The following SMG6 variants were observed in gnomAD, a reference collection of about 807,000 sequenced individuals.
SMG6 encodes telomerase-binding protein EST1A.
In SMG6, 66 loss-of-function variants were observed where a neutral mutation model predicts 142.2. The ratio of observed to expected loss-of-function variants is 0.46; its 90% CI spans 0.38 to 0.57. The LOEUF is 0.57. SMG6 is among the 20% of genes least tolerant of loss of function. SMG6 has a pLI of 0.00. For missense variants in SMG6, 1,793 were observed against 1,832.0 expected (o/e 0.98, Z 0.39); for synonymous variants, 779 against 702.4 (o/e 1.11, Z -1.72).
chr17:2,173,534 G>A (rs2071568562), intron 12 of SMG6, among the ~76,000 whole-genome samples: 1 of 152,098 alleles, frequency 6.6e-6, no homozygotes, highest in Non-Finnish European at 1.5e-5. Flanking sequence ...CTCATTTGTG[G>A]AAGGTGAGAT....
chr17:2,283,726 G>C lies in SMG6; in HGVS notation c.2347C>G (p.Leu783Val), dbSNP rs746275928. The C allele has an allele frequency of 8.7e-5, 141 of 1,613,648 alleles. No individual in the cohort carries two copies. Among genetic ancestry groups the C allele is most frequent in the Non-Finnish European group, 1.2e-4 (137 of 1,179,774 alleles). Residue 783 changes from leucine to valine, a missense_variant, in exon 7 of 19, where the codon CTT becomes GTT. Physicochemically the swap from Leu to Val is conservative, Grantham distance 32. This residue lies in a region of SMG6 where 1,597 missense variants were observed against 1,584.6 expected (regional missense o/e 1.01). Coordinates refer to ENST00000263073, the MANE Select transcript of SMG6 (RefSeq NM_017575.5). ...ALLAVYTRRK[L>V]DAVYYYMRSL... ...CGCATATAGTAATAGACAGCGTCAA[G>C]CTTCCTCCTCTGTGGAAAGAGGCCA... is the stretch of plus-strand genomic sequence containing the variant.
In SMG6 at chr17:2,071,362, C is replaced by A. The variant is rs1597333148; in HGVS notation, c.3682-2431G>T. On this transcript the variant is annotated intron_variant, in intron 15 of 18. Coordinates refer to ENST00000263073, the MANE Select transcript of SMG6 (RefSeq NM_017575.5). The surrounding 1 kb of genome is among the most constrained non-coding windows in gnomAD (Gnocchi z 5.6). ...GCAGGAGAGCCTTGAAGCCAGGTGG[C>A]TGAGGGATGCTGGGGACAAACTGAG... 6.6e-6 allele frequency among the ~76,000 whole-genome samples: 1 copy of A among 152,192 alleles called. No homozygotes were observed. The highest frequency in any genetic ancestry group is 2.4e-5 in the African/African-American group (1 of 41,422).
intron 10 of SMG6, among the ~76,000 whole-genome samples, chr17:2,212,128 A>G (rs983933577): frequency 6.6e-6 from 1 of 152,244 alleles, no homozygotes; most frequent in Non-Finnish European, 1.5e-5. Flanking sequence ...GGTTTACTGC[A>G]CTGGAAAAGG....
chr17:2,166,231 C>A (rs968941001), intron 13 of SMG6, among the ~76,000 whole-genome samples: 6 of 151,760 alleles, frequency 4.0e-5, no homozygotes, highest in African/African-American at 1.5e-4. Flanking sequence ...ACAACAACAA[C>A]AAAAAACTAC....
chr17:2,088,529 T>C, intron 13 of SMG6: 1 of 985,478 alleles, frequency 1.0e-6, no homozygotes, highest in South Asian at 4.7e-5. Flanking sequence ...AACTGCTGGC[T>C]GATATGCAAA....
intron 8 of SMG6, among the ~76,000 whole-genome samples, chr17:2,249,567 T>C (rs2074002315): frequency 6.6e-6 from 1 of 151,706 alleles, no homozygotes; most frequent in African/African-American, 2.4e-5. Context: ...CAAGCAATCC[T>C]CCAGTTTTGG....
At position 2,135,454 on chromosome 17, in the gene SMG6, G is replaced by A. The variant is rs112105153; in HGVS notation, c.3357+37204C>T. Among the ~76,000 whole-genome samples, 446 of 152,058 alleles carry A rather than the reference G, an allele frequency of 2.9e-3. 2 individuals are homozygous for A. The highest frequency in any genetic ancestry group is 9.6e-3 in the African/African-American group (400 of 41,486). Reference sequence around the variant, plus strand: ...AAAAACTCTGTATCCTTTGCCCAACGTCTCCTCTTTCCCCGTCCACCCCCA... The same window carrying A: ...AAAAACTCTGTATCCTTTGCCCAACATCTCCTCTTTCCCCGTCCACCCCCA... On this transcript the variant is annotated intron_variant, in intron 13 of 18. Coordinates refer to ENST00000263073, the MANE Select transcript of SMG6 (RefSeq NM_017575.5).
In SMG6 at chr17:2,300,620, T is replaced by G. The variant is rs373672464; in HGVS notation, c.133A>C (p.Arg45=). 87 of 1,607,924 alleles carry G rather than the reference T, an allele frequency of 5.4e-5. No individual in the cohort carries two copies. The highest frequency in any genetic ancestry group is 7.0e-5 in the Non-Finnish European group (83 of 1,178,102). The change falls in exon 2 of 19, where the codon AGG becomes CGG. Residue 45 remains arginine, a synonymous_variant. Transcript: ENST00000263073. Reference sequence around the variant, plus strand: ...TTATAGATTTCCAGATCTGGACGCCTGTTATCTTTGCGCGGCCTGGCCTCC... The same window carrying G: ...TTATAGATTTCCAGATCTGGACGCCGGTTATCTTTGCGCGGCCTGGCCTCC... The part of the protein sequence containing the change: ...LKEARPRKDN[R]RPDLEIYKPG...
intron 13 of SMG6, among the ~76,000 whole-genome samples, chr17:2,119,251 G>A (rs1172628576): frequency 1.3e-5 from 2 of 151,994 alleles, no homozygotes; most frequent in South Asian, 4.2e-4. Flanking sequence ...TAGAGATGGG[G>A]TTTCACTGTG....
At chr17:2,094,881 T>C (rs1318254843) in intron 13 of SMG6, 3 of 152,256 alleles carry the variant, frequency 2.0e-5, no homozygotes, top group Admixed American at 6.5e-5. Flanking sequence ...TGTTCCTTCA[T>C]GGACAGAAAC....
chr17:2,179,856 T>G (rs546930485), intron 12 of SMG6, among the ~76,000 whole-genome samples: 4 of 152,288 alleles, frequency 2.6e-5, no homozygotes, highest in East Asian at 3.9e-4. Flanking sequence ...GAGAAAGCTC[T>G]GGGGATTAAA....
In SMG6 at chr17:2,290,491, T is replaced by A. The variant is rs73976507; in HGVS notation, c.2337+2061A>T. Among the ~76,000 whole-genome samples the A allele has an allele frequency of 3.6e-3, 541 of 152,262 alleles. 5 individuals are homozygous for A. Among genetic ancestry groups the A allele is most frequent in the African/African-American group, 0.012 (514 of 41,550 alleles). On this transcript the variant is annotated intron_variant, in intron 6 of 18. Transcript: ENST00000263073. ...GTATTACAGACTTAAATGTAAAACATAAAACTATACAACTGCTAGAAAATA... is the reference window on the plus strand; with the variant it reads ...GTATTACAGACTTAAATGTAAAACAAAAAACTATACAACTGCTAGAAAATA...
At chr17:2,166,804 T>C (rs1290282773) in intron 13 of SMG6, among the ~76,000 whole-genome samples, 4 of 151,874 alleles carry the variant, frequency 2.6e-5, no homozygotes, top group South Asian at 2.1e-4. Context: ...GTATGCTAAA[T>C]GAAAAATGAA....
intron 13 of SMG6, among the ~76,000 whole-genome samples, chr17:2,128,092 T>C (rs1253651862): frequency 6.6e-6 from 1 of 152,102 alleles, no homozygotes; most frequent in African/African-American, 2.4e-5. Flanking sequence ...GAAGTGAGTA[T>C]AGGCACCATG....
chr17:2,134,501 T>C (rs958444578), intron 13 of SMG6, among the ~76,000 whole-genome samples: 2 of 146,768 alleles, frequency 1.4e-5, no homozygotes, highest in Non-Finnish European at 3.0e-5. Context: ...TACATCATGA[T>C]AGCACTACGG....
At chr17:2,091,066 ATG>A (rs1485088481) in intron 13 of SMG6, among the ~76,000 whole-genome samples, 7 of 152,200 alleles carry the variant, frequency 4.6e-5, no homozygotes, top group Non-Finnish European at 1.0e-4. Context: ...ACTCAGACTA[ATG>A]TGTTTTCACA....
At position 2,071,026 on chromosome 17, in the gene SMG6, A is replaced by T. The variant is rs2068085300; in HGVS notation, c.3682-2095T>A. Among the ~76,000 whole-genome samples, 1 of 152,200 alleles carries T rather than the reference A, an allele frequency of 6.6e-6. No individual in the cohort carries two copies. On this transcript the variant is annotated intron_variant, in intron 15 of 18. Transcript: ENST00000263073. The surrounding 1 kb of genome is among the most constrained non-coding windows in gnomAD (Gnocchi z 5.6). Reference sequence around the variant, plus strand: ...CCGTCTAGCTCTTCTGTTGCCAGGCATGCTCTCCTGGTACCGTGGCTCTCA... The same window carrying T: ...CCGTCTAGCTCTTCTGTTGCCAGGCTTGCTCTCCTGGTACCGTGGCTCTCA...
chr17:2,226,512 G>C (rs1234098907), intron 10 of SMG6, among the ~76,000 whole-genome samples: 11 of 151,842 alleles, frequency 7.2e-5, no homozygotes, highest in Non-Finnish European at 1.2e-4. Context: ...CCGGGAGGTG[G>C]AGGTTGCAGT....
At chr17:2,236,410 G>A in intron 10 of SMG6, 82 bp downstream of exon 10, 1 of 1,432,232 alleles carries the variant, frequency 7.0e-7, no homozygotes, top group Non-Finnish European at 9.6e-7. Flanking sequence ...AGGTAGGTAT[G>A]GTAGGTATGG....
Sources: gnomAD v4.1 joint callset for allele counts (sites outside exome capture counted in the v4.1 genomes callset) on GRCh38, gnomAD v4.1.1 for gene constraint, gnomAD v4.1.1 regional missense constraint, Gnocchi (gnomAD v3.1) non-coding constraint, MANE v1.5 for transcripts, NCBI Gene and HGNC (gene_info 2026-07-23, HGNC 2026-07-21) for gene names.